The following VEPH1 variants were observed in gnomAD, a reference collection of about 807,000 sequenced individuals.
VEPH1 encodes ventricular zone expressed PH domain containing 1, also known as ventricular zone-expressed PH domain-containing protein homolog 1.
A neutral mutation model predicts 85.2 loss-of-function variants in VEPH1; 80 were observed. That is an observed-to-expected ratio of 0.94 (90% CI 0.78 to 1.13). The LOEUF is 1.13. Ranked by LOEUF, VEPH1 falls within the 50% of genes most tolerant of loss-of-function variation. The pLI, the probability that VEPH1 is intolerant of heterozygous loss-of-function variation, is 0.00. For synonymous variants in VEPH1, 297 were observed against 348.0 expected (o/e 0.85, Z 1.63); for missense variants, 955 against 980.5 (o/e 0.97, Z 0.35).
chr3:157,478,940 G>GA (rs1216422933), intron 2 of VEPH1, among the ~76,000 whole-genome samples: 1 of 151,860 alleles, frequency 6.6e-6, no homozygotes, highest in Non-Finnish European at 1.5e-5. Context: ...ATGGCATGAA[G>GA]AAAAAATTCT....
chr3:157,401,892 A>G (rs1216468737), intron 6 of VEPH1, among the ~76,000 whole-genome samples: 2 of 152,212 alleles, frequency 1.3e-5, no homozygotes, highest in East Asian at 3.8e-4. Flanking sequence ...GGATGTCTGC[A>G]GAAGAAAAAG....
intron 2 of VEPH1, among the ~76,000 whole-genome samples, chr3:157,474,366 T>C (rs936796258): frequency 2.0e-5 from 3 of 152,200 alleles, no homozygotes; most frequent in Non-Finnish European, 2.9e-5. Flanking sequence ...ATGAATTTTT[T>C]CTTATCTGAC....
At chr3:157,471,738 G>A (rs1361280655) in intron 2 of VEPH1, among the ~76,000 whole-genome samples, 1 of 149,654 alleles carries the variant, frequency 6.7e-6, no homozygotes, top group African/African-American at 2.5e-5. Flanking sequence ...ATCCTTCTTT[G>A]GTACAATATA....
chr3:157,386,337 T>A lies in VEPH1; in HGVS notation c.907-4961A>T, dbSNP rs550971411. On this transcript the variant is annotated intron_variant, in intron 6 of 13. Coordinates refer to ENST00000362010, the MANE Select transcript of VEPH1 (RefSeq NM_001167912.2). ...TTTTTTTCTTAAGATAACCACTGAA[T>A]TTCTGTATTTCAATCAGCAGCATAA... 1.8e-3 allele frequency among the ~76,000 whole-genome samples: 266 copies of A among 149,654 alleles called. 2 individuals carry two copies. Among genetic ancestry groups the A allele is most frequent in the Admixed American group, 0.015 (229 of 14,970 alleles).
intron 5 of VEPH1, among the ~76,000 whole-genome samples, chr3:157,420,109 G>A (rs2109068764): frequency 6.6e-6 from 1 of 151,934 alleles, no homozygotes; most frequent in African/African-American, 2.4e-5. Flanking sequence ...ATTTATAAGT[G>A]GGAGGTGAAC....
In VEPH1 at chr3:157,493,137, C is replaced by T. The variant is rs77365838; in HGVS notation, c.138+2075G>A. 1,899 of 419,992 alleles carry T rather than the reference C, an allele frequency of 4.5e-3. 26 individuals carry two copies. The highest frequency in any genetic ancestry group is 0.036 in the African/African-American group (1,737 of 48,520). 26.0% of individuals were successfully genotyped at this position (419,992 alleles called of 1,614,324 possible). A position where few individuals can be genotyped will look rare whatever the true frequency, so the allele number is the denominator to read the frequency against. ...CAAGGTTTTATGCAATGGAAAGGGA[C>T]AATTTACCAAAGGAAAATTGAGAAG... On this transcript the variant is annotated intron_variant, in intron 2 of 13. Coordinates refer to ENST00000362010, the MANE Select transcript of VEPH1 (RefSeq NM_001167912.2).
chr3:157,405,019 T>C (rs1247018101), intron 6 of VEPH1, among the ~76,000 whole-genome samples: 2 of 152,142 alleles, frequency 1.3e-5, no homozygotes, highest in Non-Finnish European at 2.9e-5. Context: ...CCTGTCTTTC[T>C]TGAGGCAGGC....
intron 7 of VEPH1, among the ~76,000 whole-genome samples, chr3:157,378,734 AG>A (rs887033148): frequency 1.3e-5 from 2 of 152,126 alleles, no homozygotes; most frequent in African/African-American, 4.8e-5. Context: ...CTCTGTGTGT[AG>A]GGGTTAAGAG....
intron 4 of VEPH1, 54 bp downstream of exon 4, chr3:157,460,127 A>T: frequency 1.2e-6 from 2 of 1,614,036 alleles, no homozygotes; most frequent in South Asian, 2.2e-5. Flanking sequence ...CTTGATGAAA[A>T]TACTTTTAAA....
At chr3:157,266,769 C>G (rs989597986) in intron 12 of VEPH1, among the ~76,000 whole-genome samples, 1 of 152,184 alleles carries the variant, frequency 6.6e-6, no homozygotes, top group African/African-American at 2.4e-5. Flanking sequence ...ATAAGATTCA[C>G]TCTTCAAATT....
chr3:157,294,634 C>T (rs1405770597), intron 11 of VEPH1, among the ~76,000 whole-genome samples: 2 of 152,188 alleles, frequency 1.3e-5, no homozygotes, highest in South Asian at 2.1e-4. Context: ...TACACGTGTT[C>T]CCTTGTGGAT....
Position 157,304,038 on chromosome 3 carries a change from T to TATATATATACACAC in VEPH1, c.2010+9582_2010+9583insGTGTGTATATATAT. On this transcript the variant is annotated intron_variant, in intron 11 of 13. Transcript: ENST00000362010. ...CTTATATTTTTTATATATATATATA[T>TATATATATACACAC]ACACACATACTGTTACATCTTATAT... is the stretch of plus-strand genomic sequence containing the variant. Among the ~76,000 whole-genome samples, 56 of 96,916 alleles carry TATATATATACACAC rather than the reference T, an allele frequency of 5.8e-4. 8 individuals are homozygous for TATATATATACACAC. The East Asian group carries it at 0.014, about 24-fold the overall frequency. 63.6% of individuals were successfully genotyped at this position (96,916 alleles called of 152,430 possible).
chr3:157,467,140 T>TGTGTGTGTGC (rs1426597327), intron 3 of VEPH1, among the ~76,000 whole-genome samples: 1 of 150,786 alleles, frequency 6.6e-6, no homozygotes. Context: ...TGTGTGTGTG[T>TGTGTGTGTGC]GTGTGTGTGT....
chr3:157,498,727 A>C (rs918894471), intron 1 of VEPH1, among the ~76,000 whole-genome samples: 1 of 152,220 alleles, frequency 6.6e-6, no homozygotes, highest in African/African-American at 2.4e-5. Flanking sequence ...AGCAGCTCTC[A>C]TTAATATTTT....
rs1723552255 is a variant in VEPH1, at chr3:157,341,463, G to T, written c.1735+21901C>A. On this transcript the variant is annotated intron_variant, in intron 9 of 13. Coordinates refer to ENST00000362010, the MANE Select transcript of VEPH1 (RefSeq NM_001167912.2). ...AAATCAATGGAACGAAGTGACAAGA[G>T]AAGTTTAGAGAAAAAAGGGTAAAAA... is the stretch of plus-strand genomic sequence containing the variant. Among the ~76,000 whole-genome samples the T allele has an allele frequency of 2.6e-5, 4 of 152,178 alleles. No individual in the cohort carries two copies. The South Asian group carries it at 8.3e-4, about 32-fold the overall frequency.
At chr3:157,279,684 C>T (rs1181971859) in intron 12 of VEPH1, among the ~76,000 whole-genome samples, 1 of 152,024 alleles carries the variant, frequency 6.6e-6, no homozygotes, top group Non-Finnish European at 1.5e-5. Flanking sequence ...CAAAATATGA[C>T]CATCCTTTGA....
intron 12 of VEPH1, among the ~76,000 whole-genome samples, chr3:157,272,274 TTCCTTCCTTCCTTCCTTCCTTCCCTTC>T (rs1714680491): frequency 9.1e-5 from 4 of 43,804 alleles, no homozygotes; most frequent in Non-Finnish European, 2.2e-4. Context: ...CCTTCCTTCC[TTCCTTCCTTCCTTCCTTCCTTCCCTTC>T]CTCTCTCTCT....
intron 9 of VEPH1, among the ~76,000 whole-genome samples, chr3:157,332,403 T>C (rs1342419558): frequency 1.3e-5 from 2 of 152,176 alleles, no homozygotes; most frequent in Non-Finnish European, 2.9e-5. Flanking sequence ...TCATTTCCCC[T>C]CCTCCTAGCT....
intron 3 of VEPH1, among the ~76,000 whole-genome samples, chr3:157,463,934 A>G (rs994585401): frequency 1.3e-5 from 2 of 152,160 alleles, no homozygotes; most frequent in Non-Finnish European, 2.9e-5. Context: ...CTGCCCTATA[A>G]CTGAATCCCT....
Sources: allele counts gnomAD v4.1 joint callset (sites outside exome capture counted in the v4.1 genomes callset), GRCh38; gene constraint gnomAD v4.1.1; transcripts MANE v1.5; gene names NCBI Gene and HGNC (gene_info 2026-07-23, HGNC 2026-07-21).